The following KCTD3 variants were observed in gnomAD, a reference collection of about 807,000 sequenced individuals.
KCTD3 encodes the protein BTB/POZ domain-containing protein KCTD3.
Under a neutral mutation model 85.8 loss-of-function variants are expected in KCTD3, and 41 were observed. The observed-to-expected ratio is 0.48, with a 90% CI of 0.37 to 0.62. The LOEUF is 0.62. KCTD3 is among the 20% of genes least tolerant of loss of function. The probability of loss-of-function intolerance (pLI) is 0.00; values close to 1 mark genes in which losing one functional copy is unlikely to be tolerated. For synonymous variants in KCTD3, 338 were observed against 345.4 expected, an observed-to-expected ratio of 0.98 and a Z score of 0.24; for missense variants, 724 against 989.9, an observed-to-expected ratio of 0.73 and a Z score of 3.60.
At position 215,611,353 on chromosome 1, in the gene KCTD3, T is replaced by C. The variant is rs79035370; in HGVS notation, c.1466-472T>C. ...GCATCTTTAAAAAGAAGAAATGTGG[T>C]TAACAGAAGCTTCAACTAATTACAT... On this transcript the variant is annotated intron_variant, in intron 14 of 17. Coordinates refer to ENST00000259154, the MANE Select transcript of KCTD3 (RefSeq NM_016121.5). 6.2e-3 allele frequency among the ~76,000 whole-genome samples: 940 copies of C among 152,082 alleles called. 24 individuals carry two copies. The South Asian group carries it at 0.074, about 12-fold the overall frequency.
At chr1:215,596,236 T>C (rs1232453409) in intron 10 of KCTD3, among the ~76,000 whole-genome samples, 4 of 152,066 alleles carry the variant, frequency 2.6e-5, no homozygotes, top group African/African-American at 9.7e-5. Flanking sequence ...ATAGGAAACA[T>C]AGGAAGAGAA....
intron 7 of KCTD3, 54 bp from the exon 8 acceptor site, chr1:215,579,855 A>C (rs577637607): frequency 1.5e-6 from 2 of 1,330,654 alleles, no homozygotes; most frequent in Middle Eastern, 1.8e-4. Context: ...GGTGGCTGTA[A>C]TTTGCCAACC....
chr1:215,569,896 T>C (rs1659298581), intron 1 of KCTD3, among the ~76,000 whole-genome samples: 1 of 152,028 alleles, frequency 6.6e-6, no homozygotes, highest in Non-Finnish European at 1.5e-5. Flanking sequence ...CTTCAGAAAA[T>C]TGTTAAGATA....
intron 1 of KCTD3, among the ~76,000 whole-genome samples, chr1:215,568,848 T>C (rs761729781): frequency 5.3e-5 from 8 of 152,282 alleles, no homozygotes; most frequent in Non-Finnish European, 1.2e-4. Context: ...TTAGGGTTTT[T>C]CCTCTTCCCC....
At position 215,577,666 on chromosome 1, in the gene KCTD3, G is replaced by T. The variant is rs374970983; in HGVS notation, c.258-4G>T. ...GAGAATTTACATCATTTGTTTCTTT[G>T]TAGGGGAGTGAGTATTAATGTTCTC... On this transcript the variant is annotated splice_region_variant and splice_polypyrimidine_tract_variant and intron_variant, in intron 4 of 17. Transcript: ENST00000259154. 63 of 1,577,912 alleles carry T rather than the reference G, an allele frequency of 4.0e-5. No homozygotes were observed. Among genetic ancestry groups the T allele is most frequent in the Non-Finnish European group, 5.3e-5 (61 of 1,147,432 alleles).
At chr1:215,597,295 C>T (rs1423744308) in intron 10 of KCTD3, among the ~76,000 whole-genome samples, 3 of 151,152 alleles carry the variant, frequency 2.0e-5, no homozygotes, top group Non-Finnish European at 4.4e-5. Flanking sequence ...CACCCCCTCG[C>T]CCACACACAC....
chr1:215,572,579 T>C (rs1451497894), intron 1 of KCTD3, among the ~76,000 whole-genome samples: 4 of 152,100 alleles, frequency 2.6e-5, no homozygotes, highest in Non-Finnish European at 4.4e-5. Context: ...AGGATGTATT[T>C]TGAGGTTTGT....
At chr1:215,599,673 C>T (rs1401769900) in intron 10 of KCTD3, among the ~76,000 whole-genome samples, 1 of 152,100 alleles carries the variant, frequency 6.6e-6, no homozygotes, top group Non-Finnish European at 1.5e-5. Flanking sequence ...GAGAGAAGAA[C>T]TCAGCAGTTG....
chr1:215,580,072 G>A, intron 8 of KCTD3, 73 bp downstream of exon 8: 1 of 1,010,214 alleles, frequency 9.9e-7, no homozygotes, highest in Admixed American at 2.0e-5. Flanking sequence ...TATATTTTTA[G>A]ATTGAAAAGC....
Position 215,567,724 on chromosome 1 carries a change from G to T in KCTD3, c.39G>T (p.Ala13=), listed in dbSNP as rs2102546410. The T allele has an allele frequency of 8.0e-7, 1 of 1,243,348 alleles. No homozygotes were observed. 77.0% of individuals were successfully genotyped at this position (1,243,348 alleles called of 1,614,324 possible). The stretch of plus-strand genomic sequence containing the variant: ...ACTGCGGCAGCTTCCCCGCGGCGGC[G>T]GCCGGCAGCGGCGAGATCGTCCAAC... ...GGHCGSFPAA[A]AGSGEIVQLN... Residue 13 remains alanine (A), a synonymous_variant, in exon 1 of 18, where the codon GCG becomes GCT. Transcript: ENST00000259154.
intron 9 of KCTD3, among the ~76,000 whole-genome samples, chr1:215,593,417 GTCT>G (rs1168580977): frequency 6.6e-6 from 1 of 152,040 alleles, no homozygotes; most frequent in Admixed American, 6.6e-5. Flanking sequence ...GTCATGTATC[GTCT>G]TCTTGCTAGA....
At chr1:215,579,158 TAGAAAA>T (rs1201008657) in intron 7 of KCTD3, 21 bp downstream of exon 7, 1 of 1,600,320 alleles carries the variant, frequency 6.2e-7, no homozygotes, top group Non-Finnish European at 8.5e-7. Context: ...ATTACAGAAA[TAGAAAA>T]AGAAAAATAC....
chr1:215,606,016 A>T (rs2102595085), intron 13 of KCTD3, among the ~76,000 whole-genome samples: 1 of 152,286 alleles, frequency 6.6e-6, no homozygotes, highest in South Asian at 2.1e-4. Flanking sequence ...TTTAGAATAA[A>T]TTTAAATTTC....
chr1:215,595,597 G>T, intron 10 of KCTD3, 126 bp downstream of exon 10: 1 of 592,802 alleles, frequency 1.7e-6, no homozygotes, highest in Non-Finnish European at 2.9e-6. Flanking sequence ...AATAAATGTA[G>T]TGGTAAATTT....
chr1:215,574,474 T>TCCTAC (rs1259045446), intron 3 of KCTD3, among the ~76,000 whole-genome samples: 2 of 152,124 alleles, frequency 1.3e-5, no homozygotes, highest in African/African-American at 4.8e-5. Flanking sequence ...ATTAGTAAAC[T>TCCTAC]CCTACAGTTT....
intron 3 of KCTD3, 73 bp downstream of exon 3, chr1:215,574,191 C>A: frequency 2.4e-6 from 2 of 844,518 alleles, no homozygotes; most frequent in South Asian, 2.0e-5. Flanking sequence ...TATAGTTACT[C>A]TAAGAATATA....
At chr1:215,618,807 T>G (rs1410138465) in intron 15 of KCTD3, 79 bp from the exon 16 acceptor site, 31 of 1,059,114 alleles carry the variant, frequency 2.9e-5, no homozygotes, top group Admixed American at 1.0e-4. Flanking sequence ...CTTTCTTTCT[T>G]TCTGTCTTTT....
At position 215,620,897 on chromosome 1, in the gene KCTD3, T is replaced by G; in HGVS notation, c.*279T>G. ...GACTTTTTTTGGTTTGGAAACATAT[T>G]ACCACGTCTTAATAGGATGGTGCCC... On this transcript the variant is annotated 3_prime_UTR_variant, in exon 18 of 18. Transcript: ENST00000259154. The G allele has an allele frequency of 2.5e-6, 1 of 403,916 alleles. No homozygotes were observed. Among genetic ancestry groups the G allele is most frequent in the Non-Finnish European group, 4.4e-6 (1 of 229,036 alleles). The allele number at this position is 403,916 out of a possible 1,614,324, so 25.0% of individuals were successfully genotyped here.
chr1:215,571,931 G>A (rs1169480302), intron 1 of KCTD3, among the ~76,000 whole-genome samples: 1 of 152,168 alleles, frequency 6.6e-6, no homozygotes, highest in Non-Finnish European at 1.5e-5. Context: ...GCGCCTAGCC[G>A]AGATAAACTT....
Sources: allele counts gnomAD v4.1 joint callset (sites outside exome capture counted in the v4.1 genomes callset), GRCh38; gene constraint gnomAD v4.1.1; transcripts MANE v1.5; gene names NCBI Gene and HGNC (gene_info 2026-07-23, HGNC 2026-07-21).